Variants in UBA5 observed in about 807,000 individuals in gnomAD.
UBA5 encodes the protein ubiquitin like modifier activating enzyme 5, also known as ubiquitin-like modifier-activating enzyme 5.
UBA5 carries 28 observed loss-of-function variants against 52.9 expected under a neutral mutation model. The observed-to-expected ratio is 0.53, with a 90% CI of 0.39 to 0.73. The LOEUF is 0.73. Ranked by LOEUF, UBA5 falls within the 30% of genes least tolerant of loss-of-function variation. UBA5 has a pLI of 0.00. For missense variants in UBA5, 388 were observed against 492.7 expected (o/e 0.79, Z 2.01); for synonymous variants, 135 against 162.1 (o/e 0.83, Z 1.27).
upstream of UBA5, among the ~76,000 whole-genome samples, chr3:132,655,367 G>A (rs1280081839): frequency 5.9e-5 from 9 of 152,176 alleles, no homozygotes; most frequent in Admixed American, 2.0e-4. Flanking sequence ...GCTCAAGCAT[G>A]TTTTAAGTCT....
At position 132,670,244 on chromosome 3, in the gene UBA5, A is replaced by G; in HGVS notation, c.454A>G (p.Thr152Ala). The part of the protein sequence containing the change: ...VLFEVHNYNI[T>A]TVENFQHFMD... The stretch of plus-strand genomic sequence containing the variant: ...TTTTGAAGTACACAACTATAATATA[A>G]CCACAGTGGAAAACTTTCAACATTT... Residue 152 changes from threonine (T) to alanine (A), a missense_variant, in exon 5 of 12, where the codon ACC (threonine) becomes GCC (alanine). Coordinates refer to ENST00000356232, the MANE Select transcript of UBA5 (RefSeq NM_024818.6). 6.6e-7 allele frequency: 1 copy of G among 1,509,320 alleles called. No individual in the cohort carries two copies. Among genetic ancestry groups the G allele is most frequent in the Non-Finnish European group, 9.1e-7 (1 of 1,094,866 alleles). The allele number at this position is 1,509,320 out of a possible 1,614,324, so 93.5% of individuals were successfully genotyped here. A position where few individuals can be genotyped will look rare whatever the true frequency, so the allele number is the denominator to read the frequency against.
At position 132,676,982 on chromosome 3, in the gene UBA5, A is replaced by G; in HGVS notation, c.*456A>G. The G allele has an allele frequency of 2.6e-6, 1 of 383,804 alleles. No homozygotes were observed. Among genetic ancestry groups the G allele is most frequent in the Non-Finnish European group, 5.3e-6 (1 of 188,038 alleles). 23.8% of individuals were successfully genotyped at this position (383,804 alleles called of 1,614,324 possible). On this transcript the variant is annotated 3_prime_UTR_variant, in exon 12 of 12. Coordinates refer to ENST00000356232, the MANE Select transcript of UBA5 (RefSeq NM_024818.6). This position sits in a 1 kb window ranked among gnomAD's most constrained non-coding sequence, Gnocchi z 4.1. ...GCAAGCATCTGCTCATTATGTTTGG[A>G]ATTGCTTTCTATAAGAAAATTGCCC...
intron 1 of UBA5, 180 bp from the exon 2 acceptor site, chr3:132,665,643 A>G: frequency 1.7e-6 from 1 of 586,506 alleles, no homozygotes; most frequent in Non-Finnish European, 3.0e-6. Flanking sequence ...GAGTTTTTTT[A>G]AACGGTGCCT....
At position 132,660,894 on chromosome 3, in the gene UBA5, T is replaced by C; in HGVS notation, c.161+196T>C. 6.9e-7 allele frequency: 1 copy of C among 1,447,144 alleles called. No homozygotes were observed. The highest frequency in any genetic ancestry group is 1.5e-5 in the South Asian group (1 of 68,380). 89.6% of individuals were successfully genotyped at this position (1,447,144 alleles called of 1,614,324 possible). On this transcript the variant is annotated intron_variant, in intron 1 of 11. Coordinates refer to ENST00000356232, the MANE Select transcript of UBA5 (RefSeq NM_024818.6). This position sits in a 1 kb window ranked among gnomAD's most constrained non-coding sequence, Gnocchi z 4.1. Reference sequence around the variant, plus strand: ...ATATTCTTTCTCTTTTTTAAAAACCTCCAGTGAGTCAGCCATATGGTGCTG... The same window carrying C: ...ATATTCTTTCTCTTTTTTAAAAACCCCCAGTGAGTCAGCCATATGGTGCTG...
At chr3:132,665,314 A>G (rs1289113103) in intron 1 of UBA5, among the ~76,000 whole-genome samples, 1 of 152,116 alleles carries the variant, frequency 6.6e-6, no homozygotes, top group Non-Finnish European at 1.5e-5. Flanking sequence ...GGAATTAACC[A>G]TAGACTTAAA....
intron 1 of UBA5, among the ~76,000 whole-genome samples, chr3:132,665,574 T>C (rs6799696): frequency 0.051 from 7,700 of 152,156 alleles, 655 homozygotes; most frequent in African/African-American, 0.17. Context: ...CAATCTTGGC[T>C]GCAAATCAGA....
At chr3:132,669,744 T>G (rs1938523750) in intron 4 of UBA5, among the ~76,000 whole-genome samples, 1 of 152,184 alleles carries the variant, frequency 6.6e-6, no homozygotes, top group Admixed American at 6.5e-5. Context: ...CCCAAATTTG[T>G]TAACTGAGTA....
intron 5 of UBA5, 37 bp from the exon 6 acceptor site, chr3:132,670,928 T>C: frequency 6.8e-7 from 1 of 1,476,754 alleles, no homozygotes; most frequent in Non-Finnish European, 9.5e-7. Context: ...GTGTATTTTG[T>C]GTCCTGATGT....
rs923418226 is a variant in UBA5 at position 132,666,182 on chromosome 3, G to A, written c.297+109G>A. ...TACCAGTGGCTTATTGACTTGCAGT[G>A]TATTAATCTAGATTGTTCTTTCTAC... On this transcript the variant is annotated intron_variant, in intron 3 of 11. Coordinates refer to ENST00000356232, the MANE Select transcript of UBA5 (RefSeq NM_024818.6). The A allele has an allele frequency of 3.6e-6, 3 of 844,186 alleles. No individual in the cohort carries two copies. In the East Asian group the frequency reaches 7.9e-5, roughly 22 times the overall value. The allele number at this position is 844,186 out of a possible 1,614,324, so 52.3% of individuals were successfully genotyped here.
At chr3:132,669,146 G>A (rs1938498372) in intron 4 of UBA5, among the ~76,000 whole-genome samples, 1 of 152,174 alleles carries the variant, frequency 6.6e-6, no homozygotes. Flanking sequence ...TGTTGGAACT[G>A]TTAGTTGCAG....
At chr3:132,669,669 G>A (rs978310725) in intron 4 of UBA5, among the ~76,000 whole-genome samples, 3 of 152,176 alleles carry the variant, frequency 2.0e-5, no homozygotes, top group Non-Finnish European at 4.4e-5. Flanking sequence ...AAAACAGGTG[G>A]TGGGCCAGAT....
At chr3:132,656,011 A>T (rs1937773084), upstream of UBA5, among the ~76,000 whole-genome samples, 1 of 152,210 alleles carries the variant, frequency 6.6e-6, no homozygotes. Context: ...CCCGGAGAAA[A>T]TTACTGTCTT....
intron 3 of UBA5, 186 bp downstream of exon 3, chr3:132,666,259 T>C: frequency 1.8e-6 from 1 of 543,246 alleles, no homozygotes; most frequent in Non-Finnish European, 3.2e-6. Context: ...AGACAAAGAT[T>C]GTCTAATTGT....
chr3:132,668,810 C>T lies in UBA5; in HGVS notation c.298-8C>T. The stretch of plus-strand genomic sequence containing the variant: ...TTTTTCATCAGAATACCACTATTTT[C>T]ATTTTAGTTGCTACTCTTTGATTAT... On this transcript the variant is annotated splice_polypyrimidine_tract_variant and splice_region_variant and intron_variant, in intron 3 of 11. Coordinates refer to ENST00000356232, the MANE Select transcript of UBA5 (RefSeq NM_024818.6). 2 of 1,568,074 alleles carry T rather than the reference C, an allele frequency of 1.3e-6. No individual in the cohort carries two copies. Among genetic ancestry groups the T allele is most frequent in the Non-Finnish European group, 8.7e-7 (1 of 1,152,548 alleles).
chr3:132,660,134 A>G, upstream of UBA5: 2 of 333,840 alleles, frequency 6.0e-6, no homozygotes, highest in Non-Finnish European at 1.1e-5. The surrounding 1 kb of genome is among the most constrained non-coding windows in gnomAD (Gnocchi z 4.1). Context: ...GTTCAGAAAA[A>G]GGGCCGTCAG....
intron 3 of UBA5, chr3:132,668,548 C>T (rs908614160): frequency 2.9e-5 from 6 of 204,802 alleles, no homozygotes; most frequent in Admixed American, 5.8e-5. Context: ...ATTGAGAATG[C>T]TTGAATTTGA....
intron 8 of UBA5, among the ~76,000 whole-genome samples, chr3:132,672,879 A>T (rs917545124): frequency 1.3e-5 from 2 of 152,182 alleles, no homozygotes; most frequent in African/African-American, 4.8e-5. Context: ...GAATCAACTC[A>T]TACTTTATTA....
intron 8 of UBA5, among the ~76,000 whole-genome samples, chr3:132,672,877 T>A (rs781536231): frequency 3.0e-4 from 46 of 152,208 alleles, no homozygotes; most frequent in Admixed American, 6.5e-5. Context: ...ATGAATCAAC[T>A]CATACTTTAT....
Position 132,675,279 on chromosome 3 carries a change from T to TA in UBA5, c.845dup (p.Tyr282Ter). 1 of 1,611,164 alleles carries TA rather than the reference T, an allele frequency of 6.2e-7. No homozygotes were observed. Among genetic ancestry groups the TA allele is most frequent in the Non-Finnish European group, 8.5e-7 (1 of 1,178,108 alleles). The stretch of plus-strand genomic sequence containing the variant: ...GTTAAATTTTGGTACTGTTAGTTTT[T>TA]ACCTTGGATACAATGCAATGCAGGA... ...FLLNFGTVSF[Y>*]LGYNAMQDFF... The change falls in exon 9 of 12, where the codon TAC becomes TAAC. Residue 282 changes from tyrosine (Y) to a stop codon, truncating the protein, a stop_gained and frameshift_variant. Transcript: ENST00000356232. LOFTEE classifies it high-confidence loss of function.
Sources: allele counts gnomAD v4.1 joint callset (sites outside exome capture counted in the v4.1 genomes callset), GRCh38; gene constraint gnomAD v4.1.1; non-coding constraint Gnocchi (gnomAD v3.1); transcripts MANE v1.5; gene names NCBI Gene and HGNC (gene_info 2026-07-23, HGNC 2026-07-21).